Variants in PPFIA2 observed in about 807,000 individuals in gnomAD.
The protein encoded by PPFIA2 is liprin-alpha-2.
PPFIA2 carries 46 observed loss-of-function variants against 175.5 expected under a neutral mutation model. That is an observed-to-expected ratio of 0.26 (90% CI 0.21 to 0.34). PPFIA2 has a LOEUF of 0.34. PPFIA2 is among the 10% of genes least tolerant of loss of function. PPFIA2 has a pLI of 1.00. For missense variants in PPFIA2, 1,179 were observed against 1,506.1 expected, an observed-to-expected ratio of 0.78 and a Z score of 3.60; for synonymous variants, 568 against 511.4, an observed-to-expected ratio of 1.11 and a Z score of -1.49.
chr12:81,579,671 A>C (rs1182191811), intron 4 of PPFIA2, among the ~76,000 whole-genome samples: 2 of 151,848 alleles, frequency 1.3e-5, no homozygotes, highest in African/African-American at 4.8e-5. Flanking sequence ...TCATCACACA[A>C]ATCAAAGCAC....
intron 4 of PPFIA2, among the ~76,000 whole-genome samples, chr12:81,537,982 T>G (rs980429482): frequency 1.3e-5 from 2 of 151,906 alleles, no homozygotes; most frequent in African/African-American, 4.8e-5. Context: ...AGACTCACAT[T>G]ATCCATGTTT....
Position 81,697,092 on chromosome 12 carries a change from G to A in PPFIA2, c.250-20248C>T, listed in dbSNP as rs1024559789. 2.6e-5 allele frequency among the ~76,000 whole-genome samples: 4 copies of A among 152,176 alleles called. No homozygotes were observed. In the South Asian group the frequency reaches 6.2e-4, roughly 24 times the overall value. ...AATGAGAGAAATGGCAGGATTACTA[G>A]AAAATGTAGATCTCCCTGAATTTCT... is the stretch of plus-strand genomic sequence containing the variant. On this transcript the variant is annotated intron_variant, in intron 3 of 32. Transcript: ENST00000549396.
intron 4 of PPFIA2, among the ~76,000 whole-genome samples, chr12:81,650,112 C>A (rs1284849735): frequency 6.6e-6 from 1 of 151,970 alleles, no homozygotes; most frequent in East Asian, 1.9e-4. Context: ...CAGATTCACG[C>A]CATTCTCCTG....
At chr12:81,277,678 A>G (rs966850694) in intron 27 of PPFIA2, among the ~76,000 whole-genome samples, 3 of 152,190 alleles carry the variant, frequency 2.0e-5, no homozygotes, top group Non-Finnish European at 4.4e-5. Context: ...TTGTTCATCT[A>G]TGTGTCTTTG....
intron 22 of PPFIA2, among the ~76,000 whole-genome samples, chr12:81,319,598 C>G (rs573868051): frequency 6.6e-6 from 1 of 151,792 alleles, no homozygotes; most frequent in Non-Finnish European, 1.5e-5. Context: ...GTAATTGTGT[C>G]TGTACTAAAT....
At chr12:81,677,410 G>T (rs190075329) in intron 3 of PPFIA2, among the ~76,000 whole-genome samples, 1 of 151,782 alleles carries the variant, frequency 6.6e-6, no homozygotes, top group South Asian at 2.1e-4. Flanking sequence ...AACAACAGTC[G>T]CCCTATTGTG....
intron 3 of PPFIA2, among the ~76,000 whole-genome samples, chr12:81,701,670 T>C (rs2076489543): frequency 6.6e-6 from 1 of 152,148 alleles, no homozygotes; most frequent in South Asian, 2.1e-4. Context: ...TATAAATCAC[T>C]AGATAGTTTA....
chr12:81,282,923 A>G, intron 26 of PPFIA2, 87 bp downstream of exon 26: 1 of 1,207,784 alleles, frequency 8.3e-7, no homozygotes. Flanking sequence ...AAGGTTTACA[A>G]TATTATGACT....
At chr12:81,391,214 T>G (rs1252471040) in intron 8 of PPFIA2, among the ~76,000 whole-genome samples, 1 of 151,920 alleles carries the variant, frequency 6.6e-6, no homozygotes, top group Non-Finnish European at 1.5e-5. Context: ...TGATATCCTT[T>G]GAGTTGGGTC....
At chr12:81,517,163 A>G in intron 4 of PPFIA2, among the ~76,000 whole-genome samples, 1 of 150,996 alleles carries the variant, frequency 6.6e-6, no homozygotes, top group Non-Finnish European at 1.5e-5. Flanking sequence ...GTAGAAGACA[A>G]CAGAATCCAC....
At chr12:81,656,234 T>C (rs2153539260) in intron 4 of PPFIA2, among the ~76,000 whole-genome samples, 1 of 152,242 alleles carries the variant, frequency 6.6e-6, no homozygotes, top group Non-Finnish European at 1.5e-5. Flanking sequence ...TGTAAATACA[T>C]GGTTTCAAAA....
chr12:81,338,262 A>C (rs2057434080), intron 21 of PPFIA2, among the ~76,000 whole-genome samples: 1 of 152,106 alleles, frequency 6.6e-6, no homozygotes, highest in Non-Finnish European at 1.5e-5. Flanking sequence ...AGCACTTACC[A>C]CTGTAGGTAG....
intron 4 of PPFIA2, among the ~76,000 whole-genome samples, chr12:81,577,583 G>T (rs1036952278): frequency 6.6e-6 from 1 of 151,858 alleles, no homozygotes; most frequent in Non-Finnish European, 1.5e-5. Context: ...CAGCAAGAAA[G>T]TTTCATTAAA....
intron 7 of PPFIA2, among the ~76,000 whole-genome samples, chr12:81,429,451 G>A (rs967346615): frequency 2.0e-5 from 3 of 151,886 alleles, no homozygotes; most frequent in Non-Finnish European, 2.9e-5. Context: ...TCAAATAAAC[G>A]ATCCTATAAC....
intron 17 of PPFIA2, among the ~76,000 whole-genome samples, chr12:81,352,482 A>G (rs2140915891): frequency 6.6e-6 from 1 of 151,142 alleles, no homozygotes; most frequent in Admixed American, 6.6e-5. Context: ...TGCCTGCCTC[A>G]CTTTCCCTTT....
At chr12:81,665,443 T>C (rs1158770414) in intron 4 of PPFIA2, among the ~76,000 whole-genome samples, 1 of 152,036 alleles carries the variant, frequency 6.6e-6, no homozygotes, top group Non-Finnish European at 1.5e-5. Flanking sequence ...CAGGTGTTAG[T>C]CTGAAAGTTC....
intron 5 of PPFIA2, among the ~76,000 whole-genome samples, chr12:81,447,296 T>C (rs1011514527): frequency 6.6e-6 from 1 of 152,174 alleles, no homozygotes; most frequent in Non-Finnish European, 1.5e-5. Flanking sequence ...CTGTTTTACA[T>C]AGGTTGTGGA....
chr12:81,280,300 T>C (rs981660598), intron 27 of PPFIA2, among the ~76,000 whole-genome samples: 3 of 152,202 alleles, frequency 2.0e-5, no homozygotes, highest in African/African-American at 7.2e-5. Flanking sequence ...ATGGGTTTTT[T>C]AAAAAACACT....
chr12:81,539,344 G>A (rs925666608), intron 4 of PPFIA2, among the ~76,000 whole-genome samples: 2 of 152,012 alleles, frequency 1.3e-5, no homozygotes, highest in Admixed American at 6.6e-5. Context: ...TCACGAGGTT[G>A]GGTGACATTT....
Sources: allele counts gnomAD v4.1 joint callset (sites outside exome capture counted in the v4.1 genomes callset), GRCh38; gene constraint gnomAD v4.1.1; transcripts MANE v1.5; gene names NCBI Gene and HGNC (gene_info 2026-07-23, HGNC 2026-07-21).